The following TMEM132D variants were observed in gnomAD, a reference collection of about 807,000 sequenced individuals.
The protein encoded by TMEM132D is transmembrane protein 132D.
In TMEM132D, 21 loss-of-function variants were observed where a neutral mutation model predicts 62.3. That is an observed-to-expected ratio of 0.34 (90% CI 0.24 to 0.49). The LOEUF (loss-of-function observed/expected upper bound fraction) is 0.49, where lower values mean the gene tolerates loss of function less well. Ranked by LOEUF, TMEM132D falls within the 20% of genes least tolerant of loss-of-function variation. TMEM132D has a pLI of 0.99. For missense variants in TMEM132D, 1,346 were observed against 1,402.8 expected, an observed-to-expected ratio of 0.96 and a Z score of 0.65; for synonymous variants, 621 against 575.6, an observed-to-expected ratio of 1.08 and a Z score of -1.13.
intron 4 of TMEM132D, among the ~76,000 whole-genome samples, chr12:129,325,568 A>C (rs1490420434): frequency 6.6e-6 from 1 of 152,226 alleles, no homozygotes; most frequent in Admixed American, 6.5e-5. Flanking sequence ...CACGGATACA[A>C]GAGAGGACTG....
chr12:129,797,163 G>A (rs752499732), intron 1 of TMEM132D, among the ~76,000 whole-genome samples: 2 of 152,112 alleles, frequency 1.3e-5, no homozygotes, highest in East Asian at 1.9e-4. Flanking sequence ...CCCAGGCATC[G>A]CGGGAGGGTG....
chr12:129,299,283 A>T (rs572427402), intron 4 of TMEM132D, among the ~76,000 whole-genome samples: 1 of 152,368 alleles, frequency 6.6e-6, no homozygotes, highest in African/African-American at 2.4e-5. Flanking sequence ...AGGGAAATCC[A>T]GAGCTAAAAT....
intron 3 of TMEM132D, among the ~76,000 whole-genome samples, chr12:129,356,939 G>T (rs1014442101): frequency 6.2e-5 from 9 of 144,184 alleles, no homozygotes; most frequent in African/African-American, 2.4e-4. Context: ...GGAGAGGGGA[G>T]GGGAGGGGAG....
intron 4 of TMEM132D, among the ~76,000 whole-genome samples, chr12:129,304,264 C>A (rs1286946667): frequency 6.6e-6 from 1 of 152,120 alleles, no homozygotes; most frequent in Non-Finnish European, 1.5e-5. Flanking sequence ...ATGCAAAGAC[C>A]AGGTCATGGC....
chr12:129,416,712 G>C (rs1482637677), intron 3 of TMEM132D, among the ~76,000 whole-genome samples: 2 of 152,104 alleles, frequency 1.3e-5, no homozygotes, highest in Non-Finnish European at 2.9e-5. Flanking sequence ...TTTGAGATAT[G>C]TTCCATCAAT....
chr12:129,327,994 G>A (rs557273341), intron 4 of TMEM132D, among the ~76,000 whole-genome samples: 2 of 151,950 alleles, frequency 1.3e-5, no homozygotes, highest in Non-Finnish European at 2.9e-5. Context: ...TTTTCCACTC[G>A]AAAGCACTCA....
rs550236647 is a variant in TMEM132D, at chr12:129,267,938, A to G, written c.1300-58275T>C. Among the ~76,000 whole-genome samples, 21 of 152,368 alleles carry G rather than the reference A, an allele frequency of 1.4e-4. No individual in the cohort carries two copies. The South Asian group carries it at 4.3e-3, about 32-fold the overall frequency. ...GACAAAAACAAGCAATGGGGAAAGG[A>G]TTCCCTATTTAATAAATGGTGCTGG... On this transcript the variant is annotated intron_variant, in intron 4 of 8. Transcript: ENST00000422113.
chr12:129,125,499 AGTTTT>A (rs1565972152), intron 5 of TMEM132D, among the ~76,000 whole-genome samples: 22 of 127,824 alleles, frequency 1.7e-4, no homozygotes, highest in Admixed American at 2.5e-4. Context: ...AATTACTATG[AGTTTT>A]TTTTTTTTTT....
chr12:129,499,220 C>T (rs1373985131), intron 3 of TMEM132D, among the ~76,000 whole-genome samples: 1 of 152,022 alleles, frequency 6.6e-6, no homozygotes, highest in Non-Finnish European at 1.5e-5. Flanking sequence ...CCTTATAAAA[C>T]AAATAACATA....
chr12:129,357,241 T>C (rs533520505), intron 3 of TMEM132D, among the ~76,000 whole-genome samples: 132 of 119,638 alleles, frequency 1.1e-3, no homozygotes, highest in African/African-American at 4.3e-3. Flanking sequence ...AGTGAGACCG[T>C]GTCTCAAAAA....
At chr12:129,860,554 C>T (rs563269101) in intron 1 of TMEM132D, among the ~76,000 whole-genome samples, 2 of 152,288 alleles carry the variant, frequency 1.3e-5, no homozygotes, top group South Asian at 4.1e-4. Flanking sequence ...TATATGTATG[C>T]ATAAATATAT....
chr12:129,818,801 A>G (rs61942089), intron 1 of TMEM132D, among the ~76,000 whole-genome samples: 98,809 of 151,348 alleles, frequency 0.65, 32,738 homozygotes, highest in Middle Eastern at 0.72. Context: ...TTGGAAGGCC[A>G]AGGTGGATGG....
chr12:129,789,490 C>T (rs556655105), intron 1 of TMEM132D, among the ~76,000 whole-genome samples: 10 of 152,266 alleles, frequency 6.6e-5, no homozygotes, highest in African/African-American at 2.4e-4. Flanking sequence ...GACCATCAAC[C>T]AAAGAGTGGA....
At chr12:129,634,572 T>C (rs1879432647) in intron 2 of TMEM132D, among the ~76,000 whole-genome samples, 1 of 152,158 alleles carries the variant, frequency 6.6e-6, no homozygotes, top group African/African-American at 2.4e-5. Flanking sequence ...TATCTAAATC[T>C]TAGAAATAAA....
At chr12:129,701,181 G>A (rs1439523090) in intron 1 of TMEM132D, among the ~76,000 whole-genome samples, 3 of 152,140 alleles carry the variant, frequency 2.0e-5, no homozygotes, top group Non-Finnish European at 2.9e-5. Flanking sequence ...CATTCCACCT[G>A]ATACATATTC....
At chr12:129,730,870 C>A (rs1869211634) in intron 1 of TMEM132D, among the ~76,000 whole-genome samples, 1 of 152,042 alleles carries the variant, frequency 6.6e-6, no homozygotes, top group Admixed American at 6.6e-5. Flanking sequence ...CTCGGACCTT[C>A]AACCACAGAC....
intron 2 of TMEM132D, among the ~76,000 whole-genome samples, chr12:129,634,975 A>G (rs1244948502): frequency 6.6e-6 from 1 of 152,196 alleles, no homozygotes; most frequent in African/African-American, 2.4e-5. Flanking sequence ...TCCTTATACC[A>G]TTCCTTTATT....
chr12:129,413,984 G>A (rs1593370276), intron 3 of TMEM132D, among the ~76,000 whole-genome samples: 1 of 152,140 alleles, frequency 6.6e-6, no homozygotes, highest in Admixed American at 6.5e-5. Flanking sequence ...GAACACAACC[G>A]ACACAAATCT....
chr12:129,290,985 G>C (rs1881432659), intron 4 of TMEM132D, among the ~76,000 whole-genome samples: 1 of 152,144 alleles, frequency 6.6e-6, no homozygotes, highest in Non-Finnish European at 1.5e-5. Context: ...TGCCCATAAA[G>C]TATAGTGTCG....
Sources: gnomAD v4.1 joint callset for allele counts (sites outside exome capture counted in the v4.1 genomes callset) on GRCh38, gnomAD v4.1.1 for gene constraint, MANE v1.5 for transcripts, NCBI Gene and HGNC (gene_info 2026-07-23, HGNC 2026-07-21) for gene names.